The following NKAIN3 variants were observed in gnomAD, a reference collection of about 807,000 sequenced individuals.
The protein encoded by NKAIN3 is sodium/potassium-transporting ATPase subunit beta-1-interacting protein 3.
In NKAIN3, 25 loss-of-function variants were observed where a neutral mutation model predicts 30.2. The observed-to-expected ratio is 0.83, with a 90% CI of 0.60 to 1.16. NKAIN3 has a LOEUF of 1.16. NKAIN3 is among the 50% of genes most tolerant of loss of function. The probability of loss-of-function intolerance (pLI) is 0.00; values close to 1 mark genes in which losing one functional copy is unlikely to be tolerated. For missense variants in NKAIN3, 225 were observed against 254.1 expected (o/e 0.89, Z 0.78); for synonymous variants, 91 against 89.6 (o/e 1.02, Z -0.09).
At chr8:62,533,650 G>A (rs2129852812) in intron 1 of NKAIN3, among the ~76,000 whole-genome samples, 1 of 152,238 alleles carries the variant, frequency 6.6e-6, no homozygotes, top group South Asian at 2.1e-4. Flanking sequence ...TCTTTTGAAA[G>A]TTTCTTAAAT....
intron 4 of NKAIN3, among the ~76,000 whole-genome samples, chr8:62,867,099 GAAAAA>G (rs10562561): frequency 7.7e-6 from 1 of 130,052 alleles, no homozygotes; most frequent in Non-Finnish European, 1.6e-5. Context: ...TTTGTTTCCA[GAAAAA>G]AAAAAAAAAA....
chr8:62,951,758 T>C (rs1585615247), intron 5 of NKAIN3, among the ~76,000 whole-genome samples: 1 of 152,130 alleles, frequency 6.6e-6, no homozygotes, highest in East Asian at 1.9e-4. Context: ...CCACTGCACC[T>C]GGCTTAGCAT....
intron 1 of NKAIN3, among the ~76,000 whole-genome samples, chr8:62,334,337 A>T (rs1279458882): frequency 6.6e-6 from 1 of 152,084 alleles, no homozygotes; most frequent in Non-Finnish European, 1.5e-5. Context: ...GGTTGTCAGT[A>T]ATCCTTGGCA....
chr8:62,377,655 G>A (rs950275840), intron 1 of NKAIN3, among the ~76,000 whole-genome samples: 3 of 151,910 alleles, frequency 2.0e-5, no homozygotes, highest in Non-Finnish European at 4.4e-5. Context: ...ACATGGGGGT[G>A]GTTCCCCCCA....
Position 62,974,449 on chromosome 8 carries a change from T to A in NKAIN3, c.*9042T>A, listed in dbSNP as rs1823902396. 6.6e-6 allele frequency among the ~76,000 whole-genome samples: 1 copy of A among 152,212 alleles called. No individual in the cohort carries two copies. The highest frequency in any genetic ancestry group is 2.1e-4 in the South Asian group (1 of 4,830). ...TTGTGAATGGGAGTTTGTTCATGAT[T>A]TGGCTCTCTGTTTGTCTATTATTGG... On this transcript the variant is annotated 3_prime_UTR_variant, in exon 7 of 7. Transcript: ENST00000623646.
At chr8:62,687,570 C>T (rs1813839146) in intron 3 of NKAIN3, among the ~76,000 whole-genome samples, 1 of 152,170 alleles carries the variant, frequency 6.6e-6, no homozygotes, top group African/African-American at 2.4e-5. Flanking sequence ...TCTTGTATTC[C>T]CAAGCCCTCC....
At chr8:62,667,846 T>A (rs1813175243) in intron 3 of NKAIN3, among the ~76,000 whole-genome samples, 1 of 152,130 alleles carries the variant, frequency 6.6e-6, no homozygotes, top group Non-Finnish European at 1.5e-5. Flanking sequence ...AACTTGCCTC[T>A]TTTACAATCA....
chr8:62,304,562 A>G (rs148178080), intron 1 of NKAIN3, among the ~76,000 whole-genome samples: 39 of 150,572 alleles, frequency 2.6e-4, no homozygotes, highest in Admixed American at 1.2e-3. Context: ...ATTTCTTTGT[A>G]TGTGTATTTG....
At chr8:62,623,311 G>C (rs556975460) in intron 3 of NKAIN3, among the ~76,000 whole-genome samples, 1 of 152,096 alleles carries the variant, frequency 6.6e-6, no homozygotes, top group East Asian at 1.9e-4. Context: ...CCCTTCACTA[G>C]AAATAAAATT....
intron 4 of NKAIN3, among the ~76,000 whole-genome samples, chr8:62,762,328 A>C (rs77560306): frequency 1.4e-5 from 2 of 145,718 alleles, no homozygotes; most frequent in South Asian, 4.4e-4. Flanking sequence ...AAAAAAAAAA[A>C]CAAAAAACAA....
intron 5 of NKAIN3, among the ~76,000 whole-genome samples, chr8:62,930,194 T>C (rs757973893): frequency 1.3e-5 from 2 of 152,164 alleles, no homozygotes; most frequent in African/African-American, 2.4e-5. Context: ...TCTGTACCCA[T>C]TCAACAACAA....
intron 4 of NKAIN3, among the ~76,000 whole-genome samples, chr8:62,914,223 C>T (rs1822010614): frequency 6.6e-6 from 1 of 152,148 alleles, no homozygotes; most frequent in South Asian, 2.1e-4. Context: ...GGCTATTTTC[C>T]TTAGCAAACT....
Position 62,983,247 on chromosome 8 carries a change from A to T in NKAIN3, c.*17840A>T, listed in dbSNP as rs1260304334. ...AGGCACTAGAAATATAAAGCAAAAA[A>T]AACAGATTCTACCCACCGGGAGCTC... On this transcript the variant is annotated 3_prime_UTR_variant, in exon 7 of 7. Coordinates refer to ENST00000623646, the MANE Select transcript of NKAIN3 (RefSeq NM_001304533.3). The T allele has an allele frequency of 6.6e-6, 1 of 152,112 alleles. No homozygotes were observed. The highest frequency in any genetic ancestry group is 2.4e-5 in the African/African-American group (1 of 41,410). The allele number at this position is 152,112 out of a possible 1,614,324, so 9.4% of individuals were successfully genotyped here.
chr8:62,645,778 C>G (rs553905525), intron 3 of NKAIN3, among the ~76,000 whole-genome samples: 1 of 152,208 alleles, frequency 6.6e-6, no homozygotes, highest in Admixed American at 6.6e-5. Context: ...CTGCTCTTAT[C>G]AGTCCAATTT....
chr8:62,413,107 C>G (rs984397605), intron 1 of NKAIN3, among the ~76,000 whole-genome samples: 2 of 152,062 alleles, frequency 1.3e-5, no homozygotes, highest in South Asian at 2.1e-4. Context: ...CCATATCACA[C>G]CAGTCAAAAT....
intron 4 of NKAIN3, among the ~76,000 whole-genome samples, chr8:62,913,964 A>G (rs1166716572): frequency 6.6e-6 from 1 of 152,200 alleles, no homozygotes; most frequent in Non-Finnish European, 1.5e-5. Context: ...AAGCAGAACT[A>G]CCATGAAACC....
rs1823704308 is a variant in NKAIN3 at position 62,966,085 on chromosome 8, C to A, written c.*678C>A. 4.1e-6 allele frequency: 4 copies of A among 982,228 alleles called. No individual in the cohort carries two copies. Among genetic ancestry groups the A allele is most frequent in the Admixed American group, 6.2e-5 (1 of 16,236 alleles). 60.8% of individuals were successfully genotyped at this position (982,228 alleles called of 1,614,324 possible). A position where few individuals can be genotyped will look rare whatever the true frequency, so the allele number is the denominator to read the frequency against. ...TGGAAGAGTAAAAGGATTAGTAGAA[C>A]CCCTTTCCCCTTTGGAGGGAATATG... is the stretch of plus-strand genomic sequence containing the variant. On this transcript the variant is annotated 3_prime_UTR_variant, in exon 7 of 7. Coordinates refer to ENST00000623646, the MANE Select transcript of NKAIN3 (RefSeq NM_001304533.3).
intron 1 of NKAIN3, among the ~76,000 whole-genome samples, chr8:62,451,564 T>G (rs1017684000): frequency 6.6e-6 from 1 of 152,166 alleles, no homozygotes; most frequent in Non-Finnish European, 1.5e-5. Flanking sequence ...GGGCCTGTAA[T>G]GGTAGCATCT....
At chr8:62,533,735 T>C (rs541574483) in intron 1 of NKAIN3, among the ~76,000 whole-genome samples, 2 of 152,324 alleles carry the variant, frequency 1.3e-5, no homozygotes, top group Admixed American at 6.5e-5. Flanking sequence ...CATGTATAAA[T>C]TGGTCGTTTG....
Sources: allele counts gnomAD v4.1 joint callset (sites outside exome capture counted in the v4.1 genomes callset), GRCh38; gene constraint gnomAD v4.1.1; transcripts MANE v1.5; gene names NCBI Gene and HGNC (gene_info 2026-07-23, HGNC 2026-07-21).